The following KIAA0319L variants were observed in gnomAD, a reference collection of about 807,000 sequenced individuals.
KIAA0319L encodes KIAA0319 like.
In KIAA0319L, 55 loss-of-function variants were observed where a neutral mutation model predicts 120.1. That is an observed-to-expected ratio of 0.46 (90% CI 0.37 to 0.57). The LOEUF is 0.57. Ranked by LOEUF, KIAA0319L falls within the 20% of genes least tolerant of loss-of-function variation. The pLI, the probability that KIAA0319L is intolerant of heterozygous loss-of-function variation, is 0.00. For missense variants in KIAA0319L, 1,049 were observed against 1,255.3 expected (o/e 0.84, Z 2.48); for synonymous variants, 398 against 471.9 (o/e 0.84, Z 2.03).
intron 2 of KIAA0319L, among the ~76,000 whole-genome samples, chr1:35,521,009 A>C (rs1354001657): frequency 2.0e-5 from 3 of 152,254 alleles, no homozygotes; most frequent in Non-Finnish European, 4.4e-5. Context: ...AAATAATTGG[A>C]AACAACTTAA....
intron 2 of KIAA0319L, among the ~76,000 whole-genome samples, chr1:35,523,026 A>AT (rs916372307): frequency 2.0e-5 from 3 of 151,584 alleles, no homozygotes; most frequent in African/African-American, 7.3e-5. Flanking sequence ...AAAAAAAAAA[A>AT]AAAAAAAAAA....
chr1:35,486,737 C>CAAAAAA (rs4045085), intron 3 of KIAA0319L, among the ~76,000 whole-genome samples: 3,813 of 86,766 alleles, frequency 0.044, 257 homozygotes, highest in African/African-American at 0.12. Context: ...CCCATTTCTA[C>CAAAAAA]AAAAAAAAAA....
At chr1:35,500,278 T>C (rs1644957910) in intron 3 of KIAA0319L, among the ~76,000 whole-genome samples, 1 of 152,226 alleles carries the variant, frequency 6.6e-6, no homozygotes, top group African/African-American at 2.4e-5. Context: ...CACATTCTTA[T>C]AATGTACACA....
chr1:35,453,849 A>G lies in KIAA0319L; in HGVS notation c.1781-160T>C, dbSNP rs1446051116. On this transcript the variant is annotated intron_variant, in intron 11 of 20. Transcript: ENST00000325722. This position sits in a 1 kb window ranked among gnomAD's most constrained non-coding sequence, Gnocchi z 4.1. ...TGGTTACCGTCAGGGAGCACACAAT[A>G]AAGAATATAAGGCTGAAACATATCA... 6.6e-6 allele frequency among the ~76,000 whole-genome samples: 1 copy of G among 152,228 alleles called. No individual in the cohort carries two copies. Among genetic ancestry groups the G allele is most frequent in the Non-Finnish European group, 1.5e-5 (1 of 68,040 alleles).
chr1:35,467,423 A>G (rs1008166383), intron 6 of KIAA0319L, among the ~76,000 whole-genome samples: 3 of 152,064 alleles, frequency 2.0e-5, no homozygotes, highest in African/African-American at 7.2e-5. Context: ...AAATTTCTCC[A>G]TTTCCTTCTA....
At chr1:35,508,545 A>G (rs1380528975) in intron 2 of KIAA0319L, among the ~76,000 whole-genome samples, 1 of 152,138 alleles carries the variant, frequency 6.6e-6, no homozygotes, top group Non-Finnish European at 1.5e-5. Context: ...ACTGGCACCA[A>G]CCTAACACCA....
chr1:35,507,267 T>C (rs756153280), intron 2 of KIAA0319L, 132 bp from the exon 3 acceptor site: 89 of 799,962 alleles, frequency 1.1e-4, no homozygotes, highest in Non-Finnish European at 1.4e-4. Context: ...AGCCATCTAG[T>C]GAGTGGAACA....
intron 6 of KIAA0319L, among the ~76,000 whole-genome samples, chr1:35,468,015 G>A (rs568444579): frequency 1.3e-5 from 2 of 152,172 alleles, no homozygotes; most frequent in South Asian, 2.1e-4. Flanking sequence ...TTATTTTAAC[G>A]ACCACAAAGC....
intron 2 of KIAA0319L, 127 bp from the exon 3 acceptor site, chr1:35,507,262 T>C (rs1407240895): frequency 8.2e-6 from 7 of 851,742 alleles, no homozygotes; most frequent in Non-Finnish European, 1.2e-5. Context: ...GAGAAAGCCA[T>C]CTAGTGAGTG....
intron 2 of KIAA0319L, among the ~76,000 whole-genome samples, chr1:35,516,141 T>C (rs1645670247): frequency 6.6e-6 from 1 of 152,134 alleles, no homozygotes; most frequent in African/African-American, 2.4e-5. Context: ...AGCTGGTACC[T>C]TCCTACTAAA....
intron 2 of KIAA0319L, among the ~76,000 whole-genome samples, chr1:35,532,760 A>C (rs1415545097): frequency 1.3e-5 from 2 of 152,240 alleles, no homozygotes; most frequent in Admixed American, 1.3e-4. Flanking sequence ...AATGGCTTAC[A>C]GTTGGTAGAA....
intron 18 of KIAA0319L, 135 bp downstream of exon 18, chr1:35,442,771 C>T: frequency 9.3e-7 from 1 of 1,071,394 alleles, no homozygotes; most frequent in Non-Finnish European, 1.4e-6. Flanking sequence ...AGTAAAAGTC[C>T]TCTGCAAACA....
chr1:35,501,010 C>T (rs1186044426), intron 3 of KIAA0319L, among the ~76,000 whole-genome samples: 2 of 151,868 alleles, frequency 1.3e-5, no homozygotes, highest in African/African-American at 4.8e-5. Flanking sequence ...CTCCGTGCAA[C>T]ACTGCATGCA....
chr1:35,514,668 G>A, intron 2 of KIAA0319L, among the ~76,000 whole-genome samples: 1 of 152,244 alleles, frequency 6.6e-6, no homozygotes, highest in Non-Finnish European at 1.5e-5. Context: ...TGGTTAAAGG[G>A]TCAATTCAAC....
In KIAA0319L at chr1:35,460,251, C is replaced by T; in HGVS notation, c.1427+54G>A. On this transcript the variant is annotated intron_variant, in intron 9 of 20. Transcript: ENST00000325722. ...GTTACTCATATAACAATGTAAAACC[C>T]ACGAGAGGCAAAAAAATGGCCTATG... 1.3e-6 allele frequency: 2 copies of T among 1,486,954 alleles called. 1 individual carries two copies. The highest frequency in any genetic ancestry group is 2.4e-5 in the South Asian group (2 of 83,418). 92.1% of individuals were successfully genotyped at this position (1,486,954 alleles called of 1,614,324 possible).
chr1:35,449,464 T>C (rs1304199148), intron 15 of KIAA0319L, among the ~76,000 whole-genome samples: 1 of 152,246 alleles, frequency 6.6e-6, no homozygotes, highest in African/African-American at 2.4e-5. Context: ...TTTCTGCATC[T>C]GGATGCTGAT....
intron 10 of KIAA0319L, among the ~76,000 whole-genome samples, chr1:35,455,462 A>G (rs1642371267): frequency 6.6e-6 from 1 of 152,096 alleles, no homozygotes; most frequent in East Asian, 1.9e-4. Flanking sequence ...CTTGTTATAG[A>G]GCTCACTAAG....
At chr1:35,532,994 C>T (rs1558619907) in intron 2 of KIAA0319L, 1 of 152,202 alleles carries the variant, frequency 6.6e-6, no homozygotes, top group African/African-American at 2.4e-5. Flanking sequence ...TCTCAAAAGA[C>T]AGAATTCTAA....
chr1:35,443,046 G>C lies in KIAA0319L; in HGVS notation c.2657-18C>G. The C allele has an allele frequency of 6.2e-7, 1 of 1,614,060 alleles. No individual in the cohort carries two copies. ...CTGACATGCTGAGAGTGGCAGCAAA[G>C]GGAAGAAAGTCAACAAGACTCAGCC... On this transcript the variant is annotated intron_variant, in intron 17 of 20. Transcript: ENST00000325722.
Sources: gnomAD v4.1 joint callset for allele counts (sites outside exome capture counted in the v4.1 genomes callset) on GRCh38, gnomAD v4.1.1 for gene constraint, Gnocchi (gnomAD v3.1) non-coding constraint, MANE v1.5 for transcripts, NCBI Gene and HGNC (gene_info 2026-07-23, HGNC 2026-07-21) for gene names.